ACBD6: variants seen among roughly 807,000 people sequenced by gnomAD.
ACBD6 encodes the protein acyl-CoA binding domain containing 6, also known as acyl-CoA-binding domain-containing protein 6.
A neutral mutation model predicts 37.2 loss-of-function variants in ACBD6; 28 were observed. The ratio of observed to expected loss-of-function variants is 0.75; its 90% CI spans 0.56 to 1.03. The LOEUF (loss-of-function observed/expected upper bound fraction) is 1.03, where lower values mean the gene tolerates loss of function less well. Among genes scored for constraint, ACBD6 ranks in the 50% least tolerant of loss-of-function variants. The pLI is 0.00. For missense variants in ACBD6, 340 were observed against 337.4 expected (o/e 1.01, Z -0.06); for synonymous variants, 113 against 126.8 (o/e 0.89, Z 0.73).
At chr1:180,302,406 T>C (rs1346618738) in intron 7 of ACBD6, among the ~76,000 whole-genome samples, 1 of 152,108 alleles carries the variant, frequency 6.6e-6, no homozygotes, top group Non-Finnish European at 1.5e-5. Context: ...GCTCCTGTAT[T>C]GGGTGCATAT....
chr1:180,417,460 G>C (rs536830660), intron 4 of ACBD6, among the ~76,000 whole-genome samples: 1 of 152,170 alleles, frequency 6.6e-6, no homozygotes, highest in Non-Finnish European at 1.5e-5. Context: ...TAGGACCATG[G>C]CTAAGGCAAT....
At chr1:180,420,719 T>C (rs562278986) in intron 4 of ACBD6, among the ~76,000 whole-genome samples, 1 of 152,030 alleles carries the variant, frequency 6.6e-6, no homozygotes, top group South Asian at 2.1e-4. Context: ...AGAAAAAGGG[T>C]TCTCATTGTC....
intron 6 of ACBD6, among the ~76,000 whole-genome samples, chr1:180,368,931 A>G (rs2101912503): frequency 6.6e-6 from 1 of 152,334 alleles, no homozygotes; most frequent in Admixed American, 6.5e-5. Context: ...TACTGCACAC[A>G]GTGAGGACTA....
intron 6 of ACBD6, among the ~76,000 whole-genome samples, chr1:180,324,766 T>C (rs566551041): frequency 6.6e-6 from 1 of 152,330 alleles, no homozygotes; most frequent in South Asian, 2.1e-4. Flanking sequence ...TAGCATTTCT[T>C]ATAGGACAGG....
At chr1:180,287,236 A>G (rs1013435567), downstream of ACBD6, 1 of 151,992 alleles carries the variant, frequency 6.6e-6, no homozygotes, top group Non-Finnish European at 1.5e-5. Context: ...CCCTATCTGT[A>G]CAAAAGATAC....
intron 3 of ACBD6, among the ~76,000 whole-genome samples, chr1:180,452,038 A>C (rs1649726595): frequency 6.6e-6 from 1 of 152,226 alleles, no homozygotes; most frequent in Non-Finnish European, 1.5e-5. Flanking sequence ...GAAATAAACA[A>C]GTTCTTTGAA....
chr1:180,319,559 C>A (rs1037995107), intron 6 of ACBD6, among the ~76,000 whole-genome samples: 1 of 152,128 alleles, frequency 6.6e-6, no homozygotes. Context: ...TTATTATTGA[C>A]CATAGTCACC....
Position 180,460,645 on chromosome 1 carries a change from C to T in ACBD6, c.385-30383G>A, listed in dbSNP as rs139394903. Among the ~76,000 whole-genome samples the T allele has an allele frequency of 5.6e-3, 850 of 152,318 alleles. 8 individuals are homozygous for T. The highest frequency in any genetic ancestry group is 9.7e-3 in the Non-Finnish European group (661 of 68,030). On this transcript the variant is annotated intron_variant, in intron 3 of 7. Transcript: ENST00000367595. ...CCAGGTATTGGAAAATCTGAGGCAA[C>T]TACGGACTGGAGTGGATACCTAGCA...
At chr1:180,397,457 T>C (rs1229329024) in intron 6 of ACBD6, 59 bp downstream of exon 6, 2 of 1,442,246 alleles carry the variant, frequency 1.4e-6, no homozygotes, top group Non-Finnish European at 2.0e-6. Context: ...TGGTAAATTT[T>C]ATGTTATGCG....
chr1:180,310,509 G>T (rs1411681215), intron 7 of ACBD6, among the ~76,000 whole-genome samples: 1 of 152,140 alleles, frequency 6.6e-6, no homozygotes, highest in Non-Finnish European at 1.5e-5. Flanking sequence ...ATTTGTATGT[G>T]CATATATGTA....
intron 6 of ACBD6, among the ~76,000 whole-genome samples, chr1:180,375,819 A>G (rs1206263639): frequency 6.6e-6 from 1 of 152,042 alleles, no homozygotes; most frequent in Non-Finnish European, 1.5e-5. Flanking sequence ...GAGGCAATAA[A>G]ATGACTAATA....
intron 3 of ACBD6, among the ~76,000 whole-genome samples, chr1:180,464,417 A>G (rs1295015103): frequency 6.6e-6 from 1 of 152,184 alleles, no homozygotes; most frequent in Non-Finnish European, 1.5e-5. Flanking sequence ...GGGCTAAATC[A>G]GAAAGGCAAT....
intron 6 of ACBD6, among the ~76,000 whole-genome samples, chr1:180,330,255 T>C (rs1375462089): frequency 9.9e-6 from 1 of 100,946 alleles, no homozygotes; most frequent in Non-Finnish European, 2.0e-5. Context: ...TCTATAAGAA[T>C]TTTTTTTTTT....
At chr1:180,356,673 C>T (rs1405393750) in intron 6 of ACBD6, among the ~76,000 whole-genome samples, 1 of 151,284 alleles carries the variant, frequency 6.6e-6, no homozygotes, top group African/African-American at 2.4e-5. Context: ...ATGGCGAAAC[C>T]CCATTTCTAC....
intron 6 of ACBD6, among the ~76,000 whole-genome samples, chr1:180,393,732 G>A (rs1248454277): frequency 1.3e-5 from 2 of 152,120 alleles, no homozygotes; most frequent in African/African-American, 2.4e-5. Flanking sequence ...AACTCAAACT[G>A]GAAAAGCCAA....
intron 7 of ACBD6, among the ~76,000 whole-genome samples, chr1:180,311,200 G>A (rs1002377533): frequency 6.6e-6 from 1 of 152,130 alleles, no homozygotes; most frequent in African/African-American, 2.4e-5. Context: ...CATGACACAC[G>A]GTGTGTGTAG....
chr1:180,502,300 T>A lies in ACBD6; in HGVS notation c.-34A>T, dbSNP rs1185644593. ...GCTCGCTCCGTCCCTCTGTGTCCGG[T>A]CTGTCCTCCTTGGATTGGGTGTAAG... On this transcript the variant is annotated 5_prime_UTR_variant, in exon 1 of 8. Coordinates refer to ENST00000367595, the MANE Select transcript of ACBD6 (RefSeq NM_032360.4). 1 of 1,608,796 alleles carries A rather than the reference T, an allele frequency of 6.2e-7. No individual in the cohort carries two copies. Among genetic ancestry groups the A allele is most frequent in the Non-Finnish European group, 8.5e-7 (1 of 1,178,180 alleles).
chr1:180,447,331 T>C (rs1649514158), intron 3 of ACBD6, among the ~76,000 whole-genome samples: 1 of 152,172 alleles, frequency 6.6e-6, no homozygotes, highest in Non-Finnish European at 1.5e-5. Context: ...TTTTTACATA[T>C]AATTAATATG....
At chr1:180,399,068 T>C (rs1647237619) in intron 5 of ACBD6, among the ~76,000 whole-genome samples, 1 of 152,206 alleles carries the variant, frequency 6.6e-6, no homozygotes, top group Non-Finnish European at 1.5e-5. Context: ...CCCTACAAAT[T>C]GTCTTCTTCT....
Sources: gnomAD v4.1 joint callset for allele counts (sites outside exome capture counted in the v4.1 genomes callset) on GRCh38, gnomAD v4.1.1 for gene constraint, MANE v1.5 for transcripts, NCBI Gene and HGNC (gene_info 2026-07-23, HGNC 2026-07-21) for gene names.